Variants in MYO3A observed in about 807,000 individuals in gnomAD.
The protein encoded by MYO3A is myosin IIIA.
Under a neutral mutation model 192.7 loss-of-function variants are expected in MYO3A, and 180 were observed. The observed-to-expected ratio is 0.93, with a 90% CI of 0.83 to 1.06. The LOEUF (loss-of-function observed/expected upper bound fraction) is 1.06, where lower values mean the gene tolerates loss of function less well. MYO3A is among the 50% of genes least tolerant of loss of function. The probability of loss-of-function intolerance (pLI) is 0.00; values close to 1 mark genes in which losing one functional copy is unlikely to be tolerated. For synonymous variants in MYO3A, 628 were observed against 645.3 expected (o/e 0.97, Z 0.41); for missense variants, 1,896 against 1,905.0 (o/e 1.00, Z 0.09).
intron 4 of MYO3A, among the ~76,000 whole-genome samples, chr10:25,978,644 A>C (rs993924797): frequency 3.3e-5 from 5 of 152,184 alleles, no homozygotes; most frequent in African/African-American, 9.7e-5. Context: ...ATTTCTATAA[A>C]ATACTTAGCT....
At chr10:26,007,729 A>C (rs1841326026) in intron 6 of MYO3A, among the ~76,000 whole-genome samples, 1 of 150,682 alleles carries the variant, frequency 6.6e-6, no homozygotes, top group Admixed American at 6.6e-5. Flanking sequence ...AAGGAAATAA[A>C]AGAGGATACA....
At chr10:26,094,626 G>A (rs1007139838) in intron 15 of MYO3A, among the ~76,000 whole-genome samples, 41 of 151,906 alleles carry the variant, frequency 2.7e-4, no homozygotes, top group South Asian at 6.2e-4. Flanking sequence ...GGGTTTCACC[G>A]TGTTAGCCAG....
At chr10:25,954,836 T>C (rs1214076534) in intron 3 of MYO3A, 38 bp from the exon 4 acceptor site, 2 of 1,594,970 alleles carry the variant, frequency 1.3e-6, no homozygotes, top group Admixed American at 1.7e-5. Flanking sequence ...TACTCATGGT[T>C]TTCTCACAGT....
intron 30 of MYO3A, 35 bp downstream of exon 30, chr10:26,174,592 G>A (rs767246246): frequency 1.3e-6 from 2 of 1,545,314 alleles, no homozygotes; most frequent in African/African-American, 1.4e-5. Context: ...ACTAATAAAA[G>A]TCCCTGGGAA....
chr10:25,988,939 C>CTTTTTTTTTT (rs56308717), intron 4 of MYO3A, among the ~76,000 whole-genome samples: 90 of 116,942 alleles, frequency 7.7e-4, no homozygotes, highest in Non-Finnish European at 1.2e-3. Flanking sequence ...CCCTAAAACT[C>CTTTTTTTTTT]TTTTTTTTTT....
intron 21 of MYO3A, among the ~76,000 whole-genome samples, chr10:26,144,483 G>A (rs553890820): frequency 5.3e-5 from 8 of 151,436 alleles, no homozygotes. Flanking sequence ...ACCCCAAAGT[G>A]GTGGGGAAAA....
rs775861843 is a variant in MYO3A at position 26,088,420 on chromosome 10, A to G, written c.1562+15A>G. On this transcript the variant is annotated intron_variant, in intron 15 of 34. Transcript: ENST00000642920. The stretch of plus-strand genomic sequence containing the variant: ...CACCAAGCTATGTAAGTTTATTTCA[A>G]ATCTCTCCTATTTTGGAGGAAGCAG... 11 of 1,605,084 alleles carry G rather than the reference A, an allele frequency of 6.9e-6. No individual in the cohort carries two copies. In the South Asian group the frequency reaches 1.2e-4, roughly 18 times the overall value.
At chr10:26,041,167 T>A (rs137989950) in intron 10 of MYO3A, among the ~76,000 whole-genome samples, 9,255 of 152,168 alleles carry the variant, frequency 0.061, 366 homozygotes, top group Non-Finnish European at 0.088. Context: ...CTTCTTATAG[T>A]TTTTGTCTTG....
At chr10:25,972,292 G>A (rs1838700689) in intron 4 of MYO3A, among the ~76,000 whole-genome samples, 1 of 151,830 alleles carries the variant, frequency 6.6e-6, no homozygotes, top group Admixed American at 6.6e-5. Flanking sequence ...TGAATGATGA[G>A]TGTTCTCTTT....
rs1003270997 is a variant in MYO3A at position 26,013,634 on chromosome 10, A to G, written c.509-3186A>G. ...GAATACAATAGATGTTGGCAGGGAT[A>G]TGGGGAAAAGGGAATACTTACACGC... On this transcript the variant is annotated intron_variant, in intron 6 of 34. Transcript: ENST00000642920. Among the ~76,000 whole-genome samples the G allele has an allele frequency of 5.1e-4, 77 of 152,104 alleles. 1 individual carries two copies. Among genetic ancestry groups the G allele is most frequent in the Admixed American group, 3.9e-4 (6 of 15,262 alleles).
At chr10:25,989,358 T>G (rs1839867315) in intron 4 of MYO3A, among the ~76,000 whole-genome samples, 1 of 152,012 alleles carries the variant, frequency 6.6e-6, no homozygotes, top group African/African-American at 2.4e-5. Context: ...TAGGCCACAG[T>G]GGAGCCAGTC....
chr10:26,126,954 A>T (rs962929737), intron 19 of MYO3A, among the ~76,000 whole-genome samples: 4 of 152,198 alleles, frequency 2.6e-5, no homozygotes, highest in African/African-American at 9.6e-5. Context: ...TAAGTTGTAC[A>T]CTAAGACTTT....
intron 14 of MYO3A, among the ~76,000 whole-genome samples, chr10:26,081,820 A>C (rs1245308579): frequency 6.6e-6 from 1 of 152,154 alleles, no homozygotes; most frequent in Admixed American, 6.5e-5. Context: ...TCCCACAAAC[A>C]GACCTTCACC....
At chr10:25,989,535 T>C (rs988890049) in intron 4 of MYO3A, among the ~76,000 whole-genome samples, 19 of 152,128 alleles carry the variant, frequency 1.2e-4, no homozygotes, top group Non-Finnish European at 2.9e-5. Context: ...ACACCAAATA[T>C]AAATGTGCCT....
At chr10:26,044,070 AGCATATCTTCTG>A (rs1211214822) in intron 10 of MYO3A, among the ~76,000 whole-genome samples, 2 of 152,166 alleles carry the variant, frequency 1.3e-5, no homozygotes, top group African/African-American at 4.8e-5. Flanking sequence ...TTAAGTCAGC[AGCATATCTTCTG>A]GCCCAGGTTG....
rs1424830202 is a variant in MYO3A at position 26,096,647 on chromosome 10, G to T, written c.1741G>T (p.Glu581Ter). 3 of 1,600,962 alleles carry T rather than the reference G, an allele frequency of 1.9e-6. No individual in the cohort carries two copies. Among genetic ancestry groups the T allele is most frequent in the South Asian group, 2.2e-5 (2 of 90,768 alleles). The change falls in exon 17 of 35, where the codon GAG becomes TAG. Residue 581 changes from glutamate (E) to a stop codon, truncating the protein, a stop_gained. Transcript: ENST00000642920. LOFTEE classifies it high-confidence loss of function. ...CTATAAATCCCAGTATGAATTAATT[G>T]AGCAATGTTTCAAAGTCATAGGTTT... Reference protein sequence around the residue: ...SFYKSQYELIEQCFKVIGFTM... With the variant: ...SFYKSQYELI
At chr10:26,068,622 T>C in intron 11 of MYO3A, 146 bp from the exon 12 acceptor site, 1 of 535,248 alleles carries the variant, frequency 1.9e-6, no homozygotes, top group Admixed American at 2.8e-5. Flanking sequence ...GCAGAGCTGA[T>C]GTTACATGTT....
intron 20 of MYO3A, among the ~76,000 whole-genome samples, chr10:26,140,577 G>A (rs574373014): frequency 6.6e-6 from 1 of 151,892 alleles, no homozygotes; most frequent in South Asian, 2.1e-4. Flanking sequence ...CCAGCTACTC[G>A]GGAGGCTGAA....
At chr10:26,172,690 A>G (rs1842108581) in intron 29 of MYO3A, among the ~76,000 whole-genome samples, 2 of 152,374 alleles carry the variant, frequency 1.3e-5, no homozygotes, top group South Asian at 4.1e-4. Flanking sequence ...CATCAAAATC[A>G]TGGGCATCTG....
Sources: allele counts gnomAD v4.1 joint callset (sites outside exome capture counted in the v4.1 genomes callset), GRCh38; gene constraint gnomAD v4.1.1; transcripts MANE v1.5; gene names NCBI Gene and HGNC (gene_info 2026-07-23, HGNC 2026-07-21).